The following RPTOR variants were observed in gnomAD, a reference collection of about 807,000 sequenced individuals.
The protein encoded by RPTOR is regulatory-associated protein of mTOR.
RPTOR carries 21 observed loss-of-function variants against 169.9 expected under a neutral mutation model. The observed-to-expected ratio is 0.12, with a 90% confidence interval of 0.09 to 0.18. RPTOR has a LOEUF of 0.18. Among genes scored for constraint, RPTOR ranks in the 10% least tolerant of loss-of-function variants. RPTOR has a pLI of 1.00. For synonymous variants in RPTOR, 732 were observed against 753.2 expected (o/e 0.97, Z 0.46); for missense variants, 1,133 against 1,855.9 (o/e 0.61, Z 7.16).
intron 6 of RPTOR, among the ~76,000 whole-genome samples, chr17:80,780,777 C>A (rs983040052): frequency 2.0e-5 from 3 of 152,196 alleles, no homozygotes; most frequent in East Asian, 1.9e-4. Flanking sequence ...CACCCTCCCC[C>A]CGGGGGGCCT....
chr17:80,898,301 A>T (rs4969293), intron 20 of RPTOR, among the ~76,000 whole-genome samples: 117,531 of 151,302 alleles, frequency 0.78, 45,762 homozygotes, highest in Admixed American at 0.8. Context: ...GCTTTTACTG[A>T]TATTCCCAAT....
rs371070878 is a variant in RPTOR at position 80,794,283 on chromosome 17, T to G, written c.890+2774T>G. ...AAAATTAGAAAATAGACCAAAGACA[T>G]GAAGAGACACTTCACCAAAGAGGAT... On this transcript the variant is annotated intron_variant, in intron 7 of 33. Transcript: ENST00000306801. Among the ~76,000 whole-genome samples the G allele has an allele frequency of 9.9e-5, 15 of 152,202 alleles. No homozygotes were observed. In the East Asian group the frequency reaches 1.2e-3, roughly 12 times the overall value.
intron 9 of RPTOR, among the ~76,000 whole-genome samples, chr17:80,834,274 C>A (rs1047201552): frequency 1.1e-4 from 16 of 152,238 alleles, no homozygotes; most frequent in African/African-American, 3.9e-4. Context: ...TGTCTTTCAG[C>A]GGTTTGTAGG....
chr17:80,909,434 T>C (rs1275057675), intron 21 of RPTOR: 3 of 153,706 alleles, frequency 2.0e-5, no homozygotes, highest in Non-Finnish European at 4.3e-5. Context: ...AGTGACCTGA[T>C]CACGGCTCAC....
At chr17:80,637,390 C>T (rs966997637) in intron 2 of RPTOR, among the ~76,000 whole-genome samples, 2 of 152,216 alleles carry the variant, frequency 1.3e-5, no homozygotes, top group Admixed American at 1.3e-4. Flanking sequence ...TCACAGCACA[C>T]ACCTGCGTTT....
rs558854887 is a variant in RPTOR at position 80,752,932 on chromosome 17, C to T, written c.655-1078C>T. Among the ~76,000 whole-genome samples, 3 of 152,208 alleles carry T rather than the reference C, an allele frequency of 2.0e-5. No homozygotes were observed. In the East Asian group the frequency reaches 5.8e-4, roughly 29 times the overall value. The stretch of plus-strand genomic sequence containing the variant: ...AACAATTCACTTAGTGCCTTTCTTC[C>T]TAAAATGGCACTGTGATATCAGCTT... On this transcript the variant is annotated intron_variant, in intron 5 of 33. Transcript: ENST00000306801.
rs1180430277 is a variant in RPTOR at position 80,960,984 on chromosome 17, T to C, written c.3606-410T>C. On this transcript the variant is annotated intron_variant, in intron 30 of 33. Coordinates refer to ENST00000306801, the MANE Select transcript of RPTOR (RefSeq NM_020761.3). This position sits in a 1 kb window ranked among gnomAD's most constrained non-coding sequence, Gnocchi z 4.8. ...CCTCCAGCTTCATCAGCTTTAGGTC[T>C]GGGATTCTCATTCCTGACCCTCCAG... The C allele has an allele frequency of 2.0e-5, 4 of 201,296 alleles. No homozygotes were observed. The highest frequency in any genetic ancestry group is 3.0e-5 in the Non-Finnish European group (3 of 98,874). 12.5% of individuals were successfully genotyped at this position (201,296 alleles called of 1,614,324 possible).
intron 6 of RPTOR, among the ~76,000 whole-genome samples, chr17:80,763,334 A>G (rs1360302173): frequency 4.6e-5 from 7 of 152,208 alleles, no homozygotes; most frequent in Non-Finnish European, 1.0e-4. Flanking sequence ...GAGCTAAAAG[A>G]AAGCTGGGGT....
intron 5 of RPTOR, among the ~76,000 whole-genome samples, chr17:80,739,557 A>C (rs1470316073): frequency 6.6e-6 from 1 of 152,242 alleles, no homozygotes; most frequent in Non-Finnish European, 1.5e-5. Context: ...GCATTCATCA[A>C]GGTCGGTCAC....
intron 1 of RPTOR, among the ~76,000 whole-genome samples, chr17:80,566,540 G>A (rs1489383605): frequency 6.6e-6 from 1 of 152,074 alleles, no homozygotes; most frequent in Non-Finnish European, 1.5e-5. Flanking sequence ...TATTTTCCTG[G>A]CTGGGTGCGG....
At chr17:80,751,775 C>T (rs1169803419) in intron 5 of RPTOR, among the ~76,000 whole-genome samples, 2 of 152,208 alleles carry the variant, frequency 1.3e-5, no homozygotes, top group African/African-American at 2.4e-5. Flanking sequence ...TCACAAACAG[C>T]GTCCAGGCCC....
intron 13 of RPTOR, among the ~76,000 whole-genome samples, chr17:80,869,355 C>G (rs1237566889): frequency 1.3e-5 from 2 of 152,072 alleles, no homozygotes; most frequent in Non-Finnish European, 2.9e-5. Flanking sequence ...ACGAGGTTTC[C>G]CATGTTGGCC....
At chr17:80,577,625 G>C (rs2064976518) in intron 1 of RPTOR, among the ~76,000 whole-genome samples, 1 of 152,160 alleles carries the variant, frequency 6.6e-6, no homozygotes, top group African/African-American at 2.4e-5. Flanking sequence ...TGAAGAATTG[G>C]ATAAGTGTAC....
chr17:80,652,184 A>AG (rs1333079121), intron 3 of RPTOR, among the ~76,000 whole-genome samples: 258 of 151,796 alleles, frequency 1.7e-3, no homozygotes, highest in African/African-American at 5.3e-3. Context: ...AAAAAAAAAA[A>AG]AAGTGTACAA....
In RPTOR at chr17:80,634,298, T is replaced by TGC. The variant is rs200880058; in HGVS notation, c.265+8506_265+8507insCG. On this transcript the variant is annotated intron_variant, in intron 2 of 33. Coordinates refer to ENST00000306801, the MANE Select transcript of RPTOR (RefSeq NM_020761.3). ...GCGTACTGTGTGTGTGCGTACTGTG[T>TGC]GTGTGCGTACTGTGCGTGTGCGTAC... 8.4e-4 allele frequency among the ~76,000 whole-genome samples: 90 copies of TGC among 107,530 alleles called. 1 individual carries two copies. The highest frequency in any genetic ancestry group is 1.2e-3 in the Non-Finnish European group (55 of 47,440). 70.5% of individuals were successfully genotyped at this position (107,530 alleles called of 152,430 possible).
In RPTOR at chr17:80,710,050, C is replaced by T. The variant is rs138145839; in HGVS notation, c.507+2051C>T. On this transcript the variant is annotated intron_variant, in intron 4 of 33. Transcript: ENST00000306801. ...GGAGTACAGTGGCATGATCATGGCT[C>T]ACTGCAAACTCTGCCTTCTGGGCTG... is the stretch of plus-strand genomic sequence containing the variant. 6.5e-3 allele frequency among the ~76,000 whole-genome samples: 991 copies of T among 151,674 alleles called. 11 individuals carry two copies. The highest frequency in any genetic ancestry group is 8.2e-3 in the Non-Finnish European group (555 of 67,966).
chr17:80,762,389 C>T (rs552848656), intron 6 of RPTOR, among the ~76,000 whole-genome samples: 14 of 152,154 alleles, frequency 9.2e-5, no homozygotes, highest in Non-Finnish European at 1.9e-4. Context: ...GGGGTGAGGC[C>T]GGAGGAGACA....
intron 6 of RPTOR, among the ~76,000 whole-genome samples, chr17:80,767,206 C>T (rs940273671): frequency 6.6e-6 from 1 of 152,112 alleles, no homozygotes; most frequent in Non-Finnish European, 1.5e-5. Context: ...AACCCCATCT[C>T]TACAAAATAT....
At chr17:80,892,503 A>G (rs1020661703) in intron 18 of RPTOR, among the ~76,000 whole-genome samples, 2 of 152,182 alleles carry the variant, frequency 1.3e-5, no homozygotes, top group African/African-American at 4.8e-5. Flanking sequence ...TGTCTTTTGT[A>G]ATTTAATATG....
Sources: allele counts gnomAD v4.1 joint callset (sites outside exome capture counted in the v4.1 genomes callset), GRCh38; gene constraint gnomAD v4.1.1; non-coding constraint Gnocchi (gnomAD v3.1); transcripts MANE v1.5; gene names NCBI Gene and HGNC (gene_info 2026-07-23, HGNC 2026-07-21).